NTRK3: variants seen among roughly 807,000 people sequenced by gnomAD.
The protein encoded by NTRK3 is neurotrophic receptor tyrosine kinase 3, also known as NT-3 growth factor receptor.
In NTRK3, 24 loss-of-function variants were observed where a neutral mutation model predicts 91.7. That is an observed-to-expected ratio of 0.26 (90% CI 0.19 to 0.37). The LOEUF (loss-of-function observed/expected upper bound fraction) is 0.37, where lower values mean the gene tolerates loss of function less well. Ranked by LOEUF, NTRK3 falls within the 10% of genes least tolerant of loss-of-function variation. The probability of loss-of-function intolerance (pLI) is 1.00; values close to 1 mark genes in which losing one functional copy is unlikely to be tolerated. For missense variants in NTRK3, 880 were observed against 1,068.9 expected, an observed-to-expected ratio of 0.82 and a Z score of 2.46; for synonymous variants, 483 against 404.0, an observed-to-expected ratio of 1.20 and a Z score of -2.34.
At chr15:87,992,161 A>G (rs1213141830) in intron 14 of NTRK3, among the ~76,000 whole-genome samples, 1 of 152,174 alleles carries the variant, frequency 6.6e-6, no homozygotes, top group Non-Finnish European at 1.5e-5. Context: ...CAGTGACTTG[A>G]AAGTGCCACT....
intron 13 of NTRK3, among the ~76,000 whole-genome samples, chr15:88,091,900 A>G (rs1293339016): frequency 6.6e-6 from 1 of 152,226 alleles, no homozygotes; most frequent in Non-Finnish European, 1.5e-5. Flanking sequence ...TCAAGAACAC[A>G]TATCAGAATG....
At chr15:88,109,343 C>T (rs2051070529) in intron 13 of NTRK3, among the ~76,000 whole-genome samples, 1 of 152,190 alleles carries the variant, frequency 6.6e-6, no homozygotes, top group African/African-American at 2.4e-5. Flanking sequence ...AGCGTCCTCA[C>T]CCCAACCTCA....
At chr15:88,223,287 G>A (rs1297934292) in intron 3 of NTRK3, among the ~76,000 whole-genome samples, 1 of 152,248 alleles carries the variant, frequency 6.6e-6, no homozygotes, top group Non-Finnish European at 1.5e-5. Context: ...GCAGTGGCCT[G>A]TGTCACCAGG....
At chr15:88,152,378 G>C (rs1184735655) in intron 5 of NTRK3, among the ~76,000 whole-genome samples, 1 of 152,176 alleles carries the variant, frequency 6.6e-6, no homozygotes, top group Admixed American at 6.5e-5. Flanking sequence ...GATTTTTAAA[G>C]ACCTAATTAA....
chr15:88,239,168 G>T (rs928132218), intron 3 of NTRK3, among the ~76,000 whole-genome samples: 1 of 151,556 alleles, frequency 6.6e-6, no homozygotes, highest in Non-Finnish European at 1.5e-5. Context: ...TGACAGGGAG[G>T]GCCCAGATAA....
intron 3 of NTRK3, among the ~76,000 whole-genome samples, chr15:88,194,884 C>T (rs564134685): frequency 1.5e-3 from 221 of 152,286 alleles, no homozygotes; most frequent in Non-Finnish European, 2.2e-3. Flanking sequence ...TCAGGACCTT[C>T]GCATTTATTT....
chr15:88,184,112 G>T (rs2046754735), intron 4 of NTRK3, 113 bp downstream of exon 4: 4 of 1,031,046 alleles, frequency 3.9e-6, no homozygotes, highest in Non-Finnish European at 4.5e-6. Flanking sequence ...AGACCTGGGG[G>T]AGAAAGCACG....
chr15:88,147,452 A>G, intron 5 of NTRK3, 49 bp from the exon 6 acceptor site: 1 of 1,478,856 alleles, frequency 6.8e-7, no homozygotes, highest in Non-Finnish European at 9.5e-7. Context: ...TCTGGCACAA[A>G]TAATGCTCTA....
chr15:87,925,178 T>C (rs975597153), intron 17 of NTRK3, among the ~76,000 whole-genome samples: 3 of 152,188 alleles, frequency 2.0e-5, no homozygotes, highest in African/African-American at 4.8e-5. Flanking sequence ...ATTGTGAATG[T>C]CTTAAGAAGA....
chr15:88,168,232 T>G (rs891495403), intron 5 of NTRK3, among the ~76,000 whole-genome samples: 1 of 152,176 alleles, frequency 6.6e-6, no homozygotes, highest in South Asian at 2.1e-4. Context: ...ACTAGTGATA[T>G]GTGAAAAGTC....
intron 14 of NTRK3, among the ~76,000 whole-genome samples, chr15:88,021,524 T>C (rs937741507): frequency 2.0e-5 from 3 of 152,216 alleles, no homozygotes; most frequent in African/African-American, 4.8e-5. Flanking sequence ...TTAAAGGCTC[T>C]CAGAATCCTA....
intron 3 of NTRK3, among the ~76,000 whole-genome samples, chr15:88,184,853 C>G (rs1336845231): frequency 6.6e-6 from 1 of 152,342 alleles, no homozygotes; most frequent in Non-Finnish European, 1.5e-5. Context: ...AGCCCAATCC[C>G]TCCTGGAGCT....
At chr15:88,225,294 C>G (rs1321373503) in intron 3 of NTRK3, among the ~76,000 whole-genome samples, 1 of 152,180 alleles carries the variant, frequency 6.6e-6, no homozygotes, top group Non-Finnish European at 1.5e-5. Flanking sequence ...TGCACAAATA[C>G]TGGGCTTAAG....
At chr15:88,104,972 T>A (rs2050548577) in intron 13 of NTRK3, among the ~76,000 whole-genome samples, 2 of 152,220 alleles carry the variant, frequency 1.3e-5, no homozygotes, top group South Asian at 4.1e-4. Flanking sequence ...CTGTGGCTCA[T>A]CCTGGGGGCA....
rs1355569100 is a variant in NTRK3, at chr15:87,943,207, AAC to A, written c.1586-2456_1586-2455del. ...GGAACCACACTTTGAGAATCACCAG[AAC>A]ACGGCTTCTTTGGTGGGGTGGGAAA... On this transcript the variant is annotated intron_variant, in intron 14 of 18. Transcript: ENST00000394480. 3.3e-5 allele frequency among the ~76,000 whole-genome samples: 5 copies of A among 152,284 alleles called. No homozygotes were observed. In the East Asian group the frequency reaches 9.7e-4, roughly 29 times the overall value.
At chr15:88,069,938 A>T (rs1216350256) in intron 13 of NTRK3, among the ~76,000 whole-genome samples, 1 of 152,174 alleles carries the variant, frequency 6.6e-6, no homozygotes, top group African/African-American at 2.4e-5. Context: ...TTGAGAGTCT[A>T]GGGCGATCTC....
Position 88,185,997 on chromosome 15 carries a change from C to G in NTRK3, c.249-1698G>C, listed in dbSNP as rs1032944678. On this transcript the variant is annotated intron_variant, in intron 3 of 18. Transcript: ENST00000394480. ...CCAATGCCAAAGTTCTCCCTGGAAG[C>G]CTTACAGCCCCAGGGCAGTTTGGGT... Among the ~76,000 whole-genome samples the G allele has an allele frequency of 2.7e-4, 41 of 152,212 alleles. 1 individual carries two copies. The highest frequency in any genetic ancestry group is 2.6e-3 in the Admixed American group (40 of 15,280).
At chr15:88,136,539 G>A (rs1462618295) in exon 8 of NTRK3, 8 of 1,614,058 alleles carry the variant, frequency 5.0e-6, no homozygotes, top group Non-Finnish European at 6.8e-6. Context: ...CAGAGCCATT[G>A]CAAGTGATAA....
At chr15:88,163,545 G>A (rs1452904165) in intron 5 of NTRK3, among the ~76,000 whole-genome samples, 1 of 152,148 alleles carries the variant, frequency 6.6e-6, no homozygotes, top group Non-Finnish European at 1.5e-5. Context: ...TTGAATGGAG[G>A]GAATCCTGGA....
Sources: allele counts gnomAD v4.1 joint callset (sites outside exome capture counted in the v4.1 genomes callset), GRCh38; gene constraint gnomAD v4.1.1; transcripts MANE v1.5; gene names NCBI Gene and HGNC (gene_info 2026-07-23, HGNC 2026-07-21).